The following GRAMD2A variants were observed in gnomAD, a reference collection of about 807,000 sequenced individuals.
GRAMD2A encodes the protein GRAM domain containing 2A, also known as GRAM domain-containing protein 2A.
In GRAMD2A, 37 loss-of-function variants were observed where a neutral mutation model predicts 51.1. The ratio of observed to expected loss-of-function variants is 0.72; its 90% CI spans 0.56 to 0.95. The LOEUF (loss-of-function observed/expected upper bound fraction) is 0.95. Ranked by LOEUF, GRAMD2A falls within the 40% of genes least tolerant of loss-of-function variation. The pLI is 0.00. For missense variants in GRAMD2A, 414 were observed against 426.9 expected, an observed-to-expected ratio of 0.97 and a Z score of 0.27; for synonymous variants, 136 against 157.1, an observed-to-expected ratio of 0.87 and a Z score of 1.01.
At chr15:72,184,133 A>C (rs902848980) in intron 1 of GRAMD2A, among the ~76,000 whole-genome samples, 1 of 152,174 alleles carries the variant, frequency 6.6e-6, no homozygotes, top group Non-Finnish European at 1.5e-5. Context: ...GCAGTCGGGG[A>C]GGGAGAGGGA....
chr15:72,162,198 C>A, intron 11 of GRAMD2A, 75 bp downstream of exon 11: 1 of 1,389,194 alleles, frequency 7.2e-7, no homozygotes, highest in Non-Finnish European at 1.0e-6. Context: ...TCCAGCCAGG[C>A]AGCCTGGCCT....
rs1269169335 is a variant in GRAMD2A, at chr15:72,170,243, G to T, written c.42-304C>A. On this transcript the variant is annotated intron_variant, in intron 1 of 11. Coordinates refer to ENST00000309731, the MANE Select transcript of GRAMD2A (RefSeq NM_001012642.3). This position sits in a 1 kb window ranked among gnomAD's most constrained non-coding sequence, Gnocchi z 4.5. ...CAGTGCCAGGCAGCTCGTAGGCCAG[G>T]CTGAGTGAGGCCTCTAGCCCCACCC... The T allele has an allele frequency of 1.3e-5, 7 of 532,294 alleles. No individual in the cohort carries two copies. The highest frequency in any genetic ancestry group is 9.2e-5 in the South Asian group (6 of 65,208). The allele number at this position is 532,294 out of a possible 1,614,324, so 33.0% of individuals were successfully genotyped here.
rs2081603788 is a variant in GRAMD2A at position 72,170,862 on chromosome 15, G to A, written c.42-923C>T. Reference sequence around the variant, plus strand: ...GTGGTCCTGCTGCAGATTAGGAGCTGGAGCCTGGAACCTACAAATCTCAAT... The same window carrying A: ...GTGGTCCTGCTGCAGATTAGGAGCTAGAGCCTGGAACCTACAAATCTCAAT... On this transcript the variant is annotated intron_variant, in intron 1 of 11. Coordinates refer to ENST00000309731, the MANE Select transcript of GRAMD2A (RefSeq NM_001012642.3). This position sits in a 1 kb window ranked among gnomAD's most constrained non-coding sequence, Gnocchi z 4.5. 6.6e-6 allele frequency among the ~76,000 whole-genome samples: 1 copy of A among 152,182 alleles called. No homozygotes were observed.
chr15:72,160,643 G>C lies in GRAMD2A; in HGVS notation c.*1366C>G, dbSNP rs1378462792. On this transcript the variant is annotated 3_prime_UTR_variant, in exon 12 of 12. Coordinates refer to ENST00000309731, the MANE Select transcript of GRAMD2A (RefSeq NM_001012642.3). ...TCTGACACCGCCCACCCCATCACCAGCAACTTTCCCTGATACTTCTGGCCT... is the reference window on the plus strand; with the variant it reads ...TCTGACACCGCCCACCCCATCACCACCAACTTTCCCTGATACTTCTGGCCT... 1.3e-5 allele frequency: 2 copies of C among 152,258 alleles called. No individual in the cohort carries two copies. Among genetic ancestry groups the C allele is most frequent in the African/African-American group, 4.8e-5 (2 of 41,468 alleles). 9.4% of individuals were successfully genotyped at this position (152,258 alleles called of 1,614,324 possible).
chr15:72,177,130 C>T (rs766158595), intron 1 of GRAMD2A, among the ~76,000 whole-genome samples: 32 of 150,344 alleles, frequency 2.1e-4, no homozygotes, highest in Middle Eastern at 3.4e-3. Context: ...CTAAAGTGCT[C>T]GGATTACAGG....
intron 2 of GRAMD2A, chr15:72,169,616 T>A: frequency 1.5e-6 from 1 of 687,522 alleles, no homozygotes; most frequent in Non-Finnish European, 2.7e-6. Context: ...AGAGCACAGG[T>A]GAGCAGGGAG....
chr15:72,197,111 C>T (rs2081810924), intron 1 of GRAMD2A, among the ~76,000 whole-genome samples: 1 of 152,366 alleles, frequency 6.6e-6, no homozygotes, highest in Non-Finnish European at 1.5e-5. Context: ...TTATCCCTTT[C>T]TCCCAGGGCG....
chr15:72,175,001 AC>A (rs575013993), intron 1 of GRAMD2A, among the ~76,000 whole-genome samples: 1 of 151,278 alleles, frequency 6.6e-6, no homozygotes. Context: ...CCCGAGCTTC[AC>A]CCCCTGCCAT....
rs1164440207 is a variant in GRAMD2A, at chr15:72,166,887, G to T, written c.471+107C>A. On this transcript the variant is annotated intron_variant, in intron 6 of 11. Transcript: ENST00000309731. The surrounding 1 kb of genome is among the most constrained non-coding windows in gnomAD (Gnocchi z 4.1). ...GGCCTGAAATACCTACTGGAGAGCT[G>T]CAGGGTGGGGTGAAATAAAGACCTG... 5 of 977,356 alleles carry T rather than the reference G, an allele frequency of 5.1e-6. No individual in the cohort carries two copies. The highest frequency in any genetic ancestry group is 3.3e-6 in the Non-Finnish European group (2 of 611,970). The allele number at this position is 977,356 out of a possible 1,614,324, so 60.5% of individuals were successfully genotyped here. A position where few individuals can be genotyped will look rare whatever the true frequency, so the allele number is the denominator to read the frequency against.
At chr15:72,172,701 G>A (rs2081622716) in intron 1 of GRAMD2A, among the ~76,000 whole-genome samples, 1 of 152,090 alleles carries the variant, frequency 6.6e-6, no homozygotes, top group Admixed American at 6.6e-5. Context: ...AAAGTGCTGG[G>A]ATTACAGGTG....
chr15:72,196,376 C>T (rs562027354), intron 1 of GRAMD2A, among the ~76,000 whole-genome samples: 12 of 151,490 alleles, frequency 7.9e-5, no homozygotes, highest in East Asian at 5.9e-4. Flanking sequence ...ATTAGCTGGG[C>T]GTGGTGGTGG....
In GRAMD2A at chr15:72,180,066, G is replaced by A. The variant is rs1294334571; in HGVS notation, c.42-10127C>T. On this transcript the variant is annotated intron_variant, in intron 1 of 11. Transcript: ENST00000309731. Reference sequence around the variant, plus strand: ...CTCCTCCCTCCACCAGAGGTTAGAGGCCAGCAATTGCTGCCCCCTCCTGCC... The same window carrying A: ...CTCCTCCCTCCACCAGAGGTTAGAGACCAGCAATTGCTGCCCCCTCCTGCC... Among the ~76,000 whole-genome samples the A allele has an allele frequency of 2.6e-5, 4 of 152,158 alleles. No homozygotes were observed. The South Asian group carries it at 6.2e-4, about 24-fold the overall frequency.
rs1384128035 is a variant in GRAMD2A at position 72,166,526 on chromosome 15, C to A, written c.543+106G>T. The A allele has an allele frequency of 2.5e-6, 2 of 795,582 alleles. No homozygotes were observed. The highest frequency in any genetic ancestry group is 4.5e-6 in the Non-Finnish European group (2 of 448,732). 49.3% of individuals were successfully genotyped at this position (795,582 alleles called of 1,614,324 possible). A position where few individuals can be genotyped will look rare whatever the true frequency, so the allele number is the denominator to read the frequency against. On this transcript the variant is annotated intron_variant, in intron 7 of 11. Coordinates refer to ENST00000309731, the MANE Select transcript of GRAMD2A (RefSeq NM_001012642.3). The surrounding 1 kb of genome is among the most constrained non-coding windows in gnomAD (Gnocchi z 4.1). ...GCCTTTAACTCCCCTCTCCCTGCCC[C>A]ATTCCCTGTGCTGGAGAGATGGGCG...
At position 72,165,341 on chromosome 15, in the gene GRAMD2A, C is replaced by A. The variant is rs772114670; in HGVS notation, c.600+13G>T. ...TCAGTCCAGCAGTCTTTGCTCCCAGCTTCAGCTCTCACCAGAGACTCAGGT... is the reference window on the plus strand; with the variant it reads ...TCAGTCCAGCAGTCTTTGCTCCCAGATTCAGCTCTCACCAGAGACTCAGGT... On this transcript the variant is annotated intron_variant, in intron 8 of 11. Coordinates refer to ENST00000309731, the MANE Select transcript of GRAMD2A (RefSeq NM_001012642.3). 1.2e-6 allele frequency: 2 copies of A among 1,613,528 alleles called. No homozygotes were observed. The highest frequency in any genetic ancestry group is 1.7e-6 in the Non-Finnish European group (2 of 1,179,650).
chr15:72,176,473 C>G (rs2081653742), intron 1 of GRAMD2A: 1 of 152,792 alleles, frequency 6.5e-6, no homozygotes, highest in South Asian at 2.1e-4. Flanking sequence ...CCAAAGACAG[C>G]TCCACCCTTT....
intron 10 of GRAMD2A, chr15:72,162,928 G>A (rs2081495852): frequency 3.5e-6 from 1 of 281,904 alleles, no homozygotes; most frequent in Non-Finnish European, 6.7e-6. Flanking sequence ...CCCTAGTGGT[G>A]GGCAGTGGCG....
In GRAMD2A at chr15:72,178,497, C is replaced by G. The variant is rs189061807; in HGVS notation, c.42-8558G>C. The stretch of plus-strand genomic sequence containing the variant: ...AGGCAGGCTTATTATCATCAATGTG[C>G]TGAAACTTGAAGATAAAAGGTAATT... On this transcript the variant is annotated intron_variant, in intron 1 of 11. Transcript: ENST00000309731. Among the ~76,000 whole-genome samples the G allele has an allele frequency of 4.6e-3, 689 of 151,178 alleles. 4 individuals are homozygous for G. The highest frequency in any genetic ancestry group is 0.016 in the African/African-American group (643 of 41,150).
rs1048344477 is a variant in GRAMD2A at position 72,160,304 on chromosome 15, A to T, written c.*1705T>A. The T allele has an allele frequency of 6.8e-6, 1 of 147,758 alleles. No homozygotes were observed. Among genetic ancestry groups the T allele is most frequent in the Non-Finnish European group, 1.5e-5 (1 of 67,304 alleles). 9.2% of individuals were successfully genotyped at this position (147,758 alleles called of 1,614,324 possible). On this transcript the variant is annotated 3_prime_UTR_variant, in exon 12 of 12. Transcript: ENST00000309731. ...AGGGTTATTTTCCTAAAAAAAAAAG[A>T]CGGATGAAAGGGTGAAAGGGGCTGG...
chr15:72,161,829 T>C lies in GRAMD2A; in HGVS notation c.*180A>G, dbSNP rs1351204411. ...AGAAGCCAGTTACTTTGTAAACACGTACTTCAGATCTCTCATAGAGGGAAG... is the reference window on the plus strand; with the variant it reads ...AGAAGCCAGTTACTTTGTAAACACGCACTTCAGATCTCTCATAGAGGGAAG... On this transcript the variant is annotated 3_prime_UTR_variant, in exon 12 of 12. Transcript: ENST00000309731. The C allele has an allele frequency of 3.1e-6, 2 of 645,546 alleles. No individual in the cohort carries two copies. The highest frequency in any genetic ancestry group is 5.6e-5 in the East Asian group (2 of 35,676). 40.0% of individuals were successfully genotyped at this position (645,546 alleles called of 1,614,324 possible). A position where few individuals can be genotyped will look rare whatever the true frequency, so the allele number is the denominator to read the frequency against.
Sources: allele counts gnomAD v4.1 joint callset (sites outside exome capture counted in the v4.1 genomes callset), GRCh38; gene constraint gnomAD v4.1.1; non-coding constraint Gnocchi (gnomAD v3.1); transcripts MANE v1.5; gene names NCBI Gene and HGNC (gene_info 2026-07-23, HGNC 2026-07-21).